Variants in KCNQ1 observed in about 807,000 individuals in gnomAD.
The protein encoded by KCNQ1 is potassium voltage-gated channel subfamily Q member 1.
A neutral mutation model predicts 72.4 loss-of-function variants in KCNQ1; 49 were observed. The observed-to-expected ratio is 0.68, with a 90% CI of 0.54 to 0.86. KCNQ1 has a LOEUF of 0.86. Among genes scored for constraint, KCNQ1 ranks in the 40% least tolerant of loss-of-function variants. KCNQ1 has a pLI of 0.00. For synonymous variants in KCNQ1, 450 were observed against 412.6 expected, an observed-to-expected ratio of 1.09 and a Z score of -1.10; for missense variants, 790 against 945.1, an observed-to-expected ratio of 0.84 and a Z score of 2.15.
Position 2,750,787 on chromosome 11 carries a change from T to C in KCNQ1, c.1515-18057T>C, listed in dbSNP as rs970975369. 6.6e-6 allele frequency among the ~76,000 whole-genome samples: 1 copy of C among 152,124 alleles called. No individual in the cohort carries two copies. The highest frequency in any genetic ancestry group is 1.5e-5 in the Non-Finnish European group (1 of 68,022). ...CCCCTGGCTCTTTCACTGAAAACACTTTTCTTGTTTTCTTTCTCCGGCATG... is the reference window on the plus strand; with the variant it reads ...CCCCTGGCTCTTTCACTGAAAACACCTTTCTTGTTTTCTTTCTCCGGCATG... On this transcript the variant is annotated intron_variant, in intron 11 of 15. Coordinates refer to ENST00000155840, the MANE Select transcript of KCNQ1 (RefSeq NM_000218.3). The surrounding 1 kb of genome is among the most constrained non-coding windows in gnomAD (Gnocchi z 6.3).
intron 10 of KCNQ1, chr11:2,639,874 C>G (rs1196592921): frequency 6.5e-6 from 1 of 153,054 alleles, no homozygotes; most frequent in African/African-American, 2.4e-5. Flanking sequence ...TTCGAGCTTC[C>G]TGGCCACTTT....
intron 15 of KCNQ1, among the ~76,000 whole-genome samples, chr11:2,834,597 CTG>C (rs931403793): frequency 6.6e-6 from 1 of 152,174 alleles, no homozygotes. Flanking sequence ...ATCTCAGAGA[CTG>C]TGCGAGCAGA....
intron 10 of KCNQ1, chr11:2,641,624 C>T: frequency 2.5e-6 from 1 of 398,340 alleles, no homozygotes; most frequent in Non-Finnish European, 4.4e-6. Flanking sequence ...TTGTTGTGTA[C>T]AAGCTTTATC....
At chr11:2,518,005 G>A (rs977075697) in intron 1 of KCNQ1, among the ~76,000 whole-genome samples, 4 of 152,274 alleles carry the variant, frequency 2.6e-5, no homozygotes, top group Non-Finnish European at 5.9e-5. Context: ...AGATTCACCC[G>A]GAGGCCTGCA....
chr11:2,574,922 C>G lies in KCNQ1; in HGVS notation c.921+1936C>G, dbSNP rs151184976. Among the ~76,000 whole-genome samples, 346 of 152,314 alleles carry G rather than the reference C, an allele frequency of 2.3e-3. 14 individuals carry two copies. In the East Asian group the frequency reaches 0.052, roughly 23 times the overall value. Reference sequence around the variant, plus strand: ...GGTTTGGGCAGCAGGGCCCAGCCCCCCTGCGGGAGCCTGCCTGCAGTGAGT... The same window carrying G: ...GGTTTGGGCAGCAGGGCCCAGCCCCGCTGCGGGAGCCTGCCTGCAGTGAGT... On this transcript the variant is annotated intron_variant, in intron 6 of 15. Coordinates refer to ENST00000155840, the MANE Select transcript of KCNQ1 (RefSeq NM_000218.3).
intron 15 of KCNQ1, among the ~76,000 whole-genome samples, chr11:2,834,487 C>T (rs1848021127): frequency 6.6e-6 from 1 of 152,208 alleles, no homozygotes. Context: ...TCTGCTCCTG[C>T]CTCTGAGGGT....
rs1284024568 is a variant in KCNQ1, at chr11:2,620,221, T to TATTA, written c.1393+31367_1393+31368insATTA. Reference sequence around the variant, plus strand: ...CATGTATATATATATATTTTTTTTTTTTATTTTTTTTTTAGACGGAGTTTC... The same window carrying TATTA: ...CATGTATATATATATATTTTTTTTTTATTATTATTTTTTTTTTAGACGGAGTTTC... On this transcript the variant is annotated intron_variant, in intron 10 of 15. Transcript: ENST00000155840. This position sits in a 1 kb window ranked among gnomAD's most constrained non-coding sequence, Gnocchi z 4.5. 1.1e-5 allele frequency: 3 copies of TATTA among 280,188 alleles called. No individual in the cohort carries two copies. The highest frequency in any genetic ancestry group is 5.2e-5 in the Admixed American group (1 of 19,196). 17.4% of individuals were successfully genotyped at this position (280,188 alleles called of 1,614,324 possible).
intron 10 of KCNQ1, chr11:2,619,253 T>A: frequency 2.5e-6 from 1 of 398,570 alleles, no homozygotes; most frequent in East Asian, 3.6e-5. Context: ...TGCCTTGTAC[T>A]GGTTCATAGT....
At chr11:2,585,600 T>C (rs1328680415) in intron 8 of KCNQ1, among the ~76,000 whole-genome samples, 2 of 152,232 alleles carry the variant, frequency 1.3e-5, no homozygotes, top group African/African-American at 4.8e-5. Context: ...GAGGCTCCCT[T>C]GTGCTCCCAT....
At chr11:2,789,937 C>CA (rs764146804) in intron 15 of KCNQ1, among the ~76,000 whole-genome samples, 22 of 152,322 alleles carry the variant, frequency 1.4e-4, no homozygotes, top group Non-Finnish European at 2.6e-4. Flanking sequence ...CCTCCCCACT[C>CA]AGAGGCTCCT....
rs1849814245 is a variant in KCNQ1 at position 2,654,796 on chromosome 11, GA to G, written c.1394-7162del. On this transcript the variant is annotated intron_variant, in intron 10 of 15. Transcript: ENST00000155840. This position sits in a 1 kb window ranked among gnomAD's most constrained non-coding sequence, Gnocchi z 6.4. ...GTGAGACCAGAATTTCTTGGGAACAGAAAGCCTCAAAGACTTTCATGATAGG... is the reference window on the plus strand; with the variant it reads ...GTGAGACCAGAATTTCTTGGGAACAGAAGCCTCAAAGACTTTCATGATAGG... 2.5e-6 allele frequency: 1 copy of G among 398,556 alleles called. No individual in the cohort carries two copies. Among genetic ancestry groups the G allele is most frequent in the African/African-American group, 2.1e-5 (1 of 48,598 alleles). 24.7% of individuals were successfully genotyped at this position (398,556 alleles called of 1,614,324 possible).
chr11:2,514,209 C>T (rs765612332), intron 1 of KCNQ1, among the ~76,000 whole-genome samples: 7 of 152,208 alleles, frequency 4.6e-5, no homozygotes, highest in East Asian at 3.9e-4. Context: ...GGGAGCTGGC[C>T]GGGGCGCATT....
rs1401934351 is a variant in KCNQ1 at position 2,824,332 on chromosome 11, GAC to G, written c.1795-23431_1795-23430del. ...AGACAGATACGAGAGGGGATTTGGA[GAC>G]ACAATCCCCAGACTTGGGGACGAGC... On this transcript the variant is annotated intron_variant, in intron 15 of 15. Transcript: ENST00000155840. The surrounding 1 kb of genome is among the most constrained non-coding windows in gnomAD (Gnocchi z 5.9). Among the ~76,000 whole-genome samples the G allele has an allele frequency of 6.6e-6, 1 of 152,136 alleles. No homozygotes were observed. The highest frequency in any genetic ancestry group is 1.9e-4 in the East Asian group (1 of 5,176).
intron 1 of KCNQ1, among the ~76,000 whole-genome samples, chr11:2,525,073 C>T (rs1847472894): frequency 6.6e-6 from 1 of 152,224 alleles, no homozygotes; most frequent in African/African-American, 2.4e-5. Flanking sequence ...AGAGAGCCAA[C>T]AGTTGCACCA....
chr11:2,662,142 A>C, intron 11 of KCNQ1, 61 bp downstream of exon 11: 3 of 1,609,134 alleles, frequency 1.9e-6, no homozygotes, highest in Non-Finnish European at 2.5e-6. Flanking sequence ...AAGGAGTCAG[A>C]CTTGGTGCTG....
Position 2,541,482 on chromosome 11 carries a change from G to C in KCNQ1, c.477+13464G>C, listed in dbSNP as rs1490511100. 6.6e-6 allele frequency among the ~76,000 whole-genome samples: 1 copy of C among 152,064 alleles called. No individual in the cohort carries two copies. The highest frequency in any genetic ancestry group is 2.4e-5 in the African/African-American group (1 of 41,412). ...TGTCCTCGGGGGAGGGACTGAGCTGGGCCCTTTTCGTTGGTTAGTTCTCAG... is the reference window on the plus strand; with the variant it reads ...TGTCCTCGGGGGAGGGACTGAGCTGCGCCCTTTTCGTTGGTTAGTTCTCAG... On this transcript the variant is annotated intron_variant, in intron 2 of 15. Coordinates refer to ENST00000155840, the MANE Select transcript of KCNQ1 (RefSeq NM_000218.3). This position sits in a 1 kb window ranked among gnomAD's most constrained non-coding sequence, Gnocchi z 4.8.
chr11:2,654,896 G>A lies in KCNQ1; in HGVS notation c.1394-7065G>A, dbSNP rs1217769802. On this transcript the variant is annotated intron_variant, in intron 10 of 15. Coordinates refer to ENST00000155840, the MANE Select transcript of KCNQ1 (RefSeq NM_000218.3). The surrounding 1 kb of genome is among the most constrained non-coding windows in gnomAD (Gnocchi z 6.4). ...TATTCTGGCAACTCTAGGATAAGAT[G>A]TGCAAGGTCGTGGGCCAGAGAGCAA... The A allele has an allele frequency of 2.3e-5, 9 of 398,480 alleles. No individual in the cohort carries two copies. The South Asian group carries it at 3.8e-4, about 17-fold the overall frequency. The allele number at this position is 398,480 out of a possible 1,614,324, so 24.7% of individuals were successfully genotyped here.
chr11:2,679,002 C>T lies in KCNQ1; in HGVS notation c.1514+16921C>T. 2.5e-6 allele frequency: 1 copy of T among 398,574 alleles called. No individual in the cohort carries two copies. Among genetic ancestry groups the T allele is most frequent in the East Asian group, 3.6e-5 (1 of 28,084 alleles). 24.7% of individuals were successfully genotyped at this position (398,574 alleles called of 1,614,324 possible). The stretch of plus-strand genomic sequence containing the variant: ...TAATTCAAGAATTTTTAAAAACCCG[C>T]AATAAGAAACATAATCTAAAACTTG... On this transcript the variant is annotated intron_variant, in intron 11 of 15. Transcript: ENST00000155840. The surrounding 1 kb of genome is among the most constrained non-coding windows in gnomAD (Gnocchi z 4.8).
rs948377445 is a variant in KCNQ1, at chr11:2,626,904, A to C, written c.1394-35057A>C. On this transcript the variant is annotated intron_variant, in intron 10 of 15. Coordinates refer to ENST00000155840, the MANE Select transcript of KCNQ1 (RefSeq NM_000218.3). This position sits in a 1 kb window ranked among gnomAD's most constrained non-coding sequence, Gnocchi z 4.0. ...TTTTCAAGAATGTTTTAGCTATTCA[A>C]GGTCCCTTGAGATTCCATGTGAATT... 1.5e-5 allele frequency: 6 copies of C among 398,496 alleles called. No individual in the cohort carries two copies. Among genetic ancestry groups the C allele is most frequent in the Non-Finnish European group, 1.8e-5 (4 of 226,070 alleles). 24.7% of individuals were successfully genotyped at this position (398,496 alleles called of 1,614,324 possible). A position where few individuals can be genotyped will look rare whatever the true frequency, so the allele number is the denominator to read the frequency against.
Sources: allele counts gnomAD v4.1 joint callset (sites outside exome capture counted in the v4.1 genomes callset), GRCh38; gene constraint gnomAD v4.1.1; non-coding constraint Gnocchi (gnomAD v3.1); transcripts MANE v1.5; gene names NCBI Gene and HGNC (gene_info 2026-07-23, HGNC 2026-07-21).